Variants in PXT1 observed in about 807,000 individuals in gnomAD.
PXT1 encodes the protein peroxisomal testis enriched protein 1.
PXT1 carries 11 observed loss-of-function variants against 11.0 expected under a neutral mutation model. The observed-to-expected ratio is 1.00, with a 90% confidence interval of 0.63 to 1.66. The LOEUF (loss-of-function observed/expected upper bound fraction) is 1.66. Among genes scored for constraint, PXT1 ranks in the 40% most tolerant of loss-of-function variants. The pLI is 0.00. For synonymous variants in PXT1, 43 were observed against 51.4 expected, an observed-to-expected ratio of 0.84 and a Z score of 0.70; for missense variants, 141 against 155.5, an observed-to-expected ratio of 0.91 and a Z score of 0.49.
At chr6:36,439,388 G>T (rs1458313794) in intron 1 of PXT1, among the ~76,000 whole-genome samples, 2 of 151,554 alleles carry the variant, frequency 1.3e-5, no homozygotes, top group Non-Finnish European at 2.9e-5. Context: ...GAGGCGGGTG[G>T]ATCATCTGAG....
At chr6:36,397,575 A>G (rs1474540691) in intron 4 of PXT1, among the ~76,000 whole-genome samples, 2 of 152,254 alleles carry the variant, frequency 1.3e-5, no homozygotes, top group Admixed American at 6.5e-5. Context: ...AGAAGAAAAC[A>G]TAAGTGTGAC....
chr6:36,411,305 G>C (rs1011140817), intron 3 of PXT1, among the ~76,000 whole-genome samples: 16 of 152,064 alleles, frequency 1.1e-4, no homozygotes, highest in African/African-American at 3.9e-4. Context: ...ACAAAAATTA[G>C]CTGGGCATGG....
At chr6:36,429,692 ATAGGGT>A (rs1774664241) in intron 2 of PXT1, among the ~76,000 whole-genome samples, 3 of 149,692 alleles carry the variant, frequency 2.0e-5, no homozygotes, top group Middle Eastern at 6.8e-3. Flanking sequence ...TTTAGTAGAG[ATAGGGT>A]TTCACCGTGT....
At chr6:36,410,884 C>G (rs1209036705) in intron 3 of PXT1, among the ~76,000 whole-genome samples, 2 of 152,182 alleles carry the variant, frequency 1.3e-5, no homozygotes, top group Admixed American at 6.5e-5. Context: ...AATTCTGAAG[C>G]CAGAAAGCTT....
At chr6:36,428,556 A>T (rs1774641506) in intron 2 of PXT1, among the ~76,000 whole-genome samples, 1 of 152,182 alleles carries the variant, frequency 6.6e-6, no homozygotes, top group Non-Finnish European at 1.5e-5. Flanking sequence ...TGTACTAGTC[A>T]TTCATGTGAC....
chr6:36,394,236 A>G (rs1470647680), intron 4 of PXT1, among the ~76,000 whole-genome samples: 1 of 152,198 alleles, frequency 6.6e-6, no homozygotes, highest in Admixed American at 6.5e-5. Flanking sequence ...GTGACCTTTG[A>G]TAAGTTTTGT....
intron 3 of PXT1, among the ~76,000 whole-genome samples, chr6:36,413,348 C>T (rs1020628318): frequency 2.6e-5 from 4 of 151,610 alleles, no homozygotes; most frequent in Non-Finnish European, 4.4e-5. Flanking sequence ...ACCCAGGAGG[C>T]GGAGCTTGCA....
At chr6:36,404,609 A>G (rs1774262117) in intron 3 of PXT1, among the ~76,000 whole-genome samples, 1 of 151,654 alleles carries the variant, frequency 6.6e-6, no homozygotes, top group Admixed American at 6.6e-5. Context: ...GGTGTGCACC[A>G]CCGTGCCCGG....
intron 3 of PXT1, among the ~76,000 whole-genome samples, chr6:36,418,516 T>C (rs1774482544): frequency 6.6e-6 from 1 of 152,234 alleles, no homozygotes; most frequent in Non-Finnish European, 1.5e-5. Flanking sequence ...TCTGTACTAG[T>C]TGATTTGTTT....
intron 2 of PXT1, among the ~76,000 whole-genome samples, chr6:36,437,150 G>A (rs1774776416): frequency 6.6e-6 from 1 of 151,998 alleles, no homozygotes; most frequent in Non-Finnish European, 1.5e-5. Context: ...AGCCGGGCGT[G>A]GTGTCACGGG....
At chr6:36,435,412 T>A (rs894886607) in intron 2 of PXT1, among the ~76,000 whole-genome samples, 7 of 151,902 alleles carry the variant, frequency 4.6e-5, no homozygotes, top group African/African-American at 9.7e-5. Context: ...TTTTTTTTTT[T>A]AATTAGCTGG....
intron 2 of PXT1, among the ~76,000 whole-genome samples, chr6:36,427,121 C>A (rs377511760): frequency 6.6e-6 from 1 of 151,380 alleles, no homozygotes; most frequent in South Asian, 2.1e-4. Context: ...TCCTGCCTCA[C>A]CCTCCCGAGT....
intron 3 of PXT1, among the ~76,000 whole-genome samples, chr6:36,409,576 A>AG (rs1182464850): frequency 1.3e-5 from 2 of 152,168 alleles, no homozygotes; most frequent in Non-Finnish European, 2.9e-5. Context: ...CTGTAATCCT[A>AG]GCACCTTGGG....
At chr6:36,425,805 AATATATAT>A (rs148236984) in intron 3 of PXT1, 101 bp downstream of exon 3, 8 of 335,682 alleles carry the variant, frequency 2.4e-5, no homozygotes, top group African/African-American at 1.1e-4. Context: ...AAAAACAAAA[AATATATAT>A]ATATATATAT....
In PXT1 at chr6:36,426,832, A is replaced by G. The variant is rs80299378; in HGVS notation, c.-9-741T>C. Among the ~76,000 whole-genome samples the G allele has an allele frequency of 5.8e-5, 3 of 52,148 alleles. No individual in the cohort carries two copies. In the East Asian group the frequency reaches 2.7e-3, roughly 47 times the overall value. The allele number at this position is 52,148 out of a possible 152,430, so 34.2% of individuals were successfully genotyped here. On this transcript the variant is annotated intron_variant, in intron 2 of 4. Coordinates refer to ENST00000454782, the MANE Select transcript of PXT1 (RefSeq NM_152990.4). ...AACACACTCTTTGTCCTATTTCCTC[A>G]TGTGTGTGTGTGTTTCCTCCCCAAA...
chr6:36,439,327 G>A (rs1179932233), intron 1 of PXT1, among the ~76,000 whole-genome samples: 1 of 151,418 alleles, frequency 6.6e-6, no homozygotes, highest in African/African-American at 2.4e-5. Flanking sequence ...ACTCATATAA[G>A]GTGGCTGGGA....
chr6:36,415,963 G>A (rs1348748564), intron 3 of PXT1, among the ~76,000 whole-genome samples: 1 of 152,090 alleles, frequency 6.6e-6, no homozygotes, highest in Non-Finnish European at 1.5e-5. Flanking sequence ...CATCAATTTT[G>A]TATATGAAAC....
At chr6:36,404,468 C>T (rs1774258917) in intron 3 of PXT1, among the ~76,000 whole-genome samples, 2 of 152,132 alleles carry the variant, frequency 1.3e-5, no homozygotes, top group Admixed American at 6.5e-5. Flanking sequence ...ACCACAGGTG[C>T]ATGCCACCAT....
chr6:36,421,054 C>CAAAA (rs1185962905), intron 3 of PXT1, among the ~76,000 whole-genome samples: 2 of 74,390 alleles, frequency 2.7e-5, no homozygotes, highest in East Asian at 7.5e-4. Context: ...GACTCCGTCT[C>CAAAA]AAAAAAAAAA....
Sources: allele counts gnomAD v4.1 joint callset (sites outside exome capture counted in the v4.1 genomes callset), GRCh38; gene constraint gnomAD v4.1.1; transcripts MANE v1.5; gene names NCBI Gene and HGNC (gene_info 2026-07-23, HGNC 2026-07-21).